The following RMC1 variants were observed in gnomAD, a reference collection of about 807,000 sequenced individuals.
RMC1 encodes regulator of MON1-CCZ1 complex.
A neutral mutation model predicts 95.5 loss-of-function variants in RMC1; 44 were observed. That is an observed-to-expected ratio of 0.46 (90% CI 0.36 to 0.59). The LOEUF is 0.59. Among genes scored for constraint, RMC1 ranks in the 20% least tolerant of loss-of-function variants. The probability of loss-of-function intolerance (pLI) is 0.00; values close to 1 mark genes in which losing one functional copy is unlikely to be tolerated. For missense variants in RMC1, 705 were observed against 819.6 expected (o/e 0.86, Z 1.71); for synonymous variants, 320 against 303.6 (o/e 1.05, Z -0.56).
Position 23,524,035 on chromosome 18 carries a change from A to G in RMC1, c.962-95A>G, listed in dbSNP as rs534203694. 32 of 1,307,054 alleles carry G rather than the reference A, an allele frequency of 2.4e-5. No individual in the cohort carries two copies. In the East Asian group the frequency reaches 6.0e-4, roughly 24 times the overall value. The allele number at this position is 1,307,054 out of a possible 1,614,324, so 81.0% of individuals were successfully genotyped here. A position where few individuals can be genotyped will look rare whatever the true frequency, so the allele number is the denominator to read the frequency against. On this transcript the variant is annotated intron_variant, in intron 10 of 19. Transcript: ENST00000269221. ...ACTACAATTGAATAAACATTTCGTA[A>G]TGACATTAAAAAGTATTGACTTTTG... is the stretch of plus-strand genomic sequence containing the variant.
intron 5 of RMC1, among the ~76,000 whole-genome samples, chr18:23,514,307 G>A (rs971455400): frequency 6.6e-6 from 1 of 152,228 alleles, no homozygotes; most frequent in Admixed American, 6.5e-5. Flanking sequence ...CTGAGGTCAG[G>A]AGTTCGAGAC....
intron 1 of RMC1, 70 bp downstream of exon 1, chr18:23,503,790 G>C: frequency 7.6e-7 from 1 of 1,317,200 alleles, no homozygotes; most frequent in South Asian, 1.5e-5. Flanking sequence ...GGCCGGTCCC[G>C]CGCGACCAGG....
intron 5 of RMC1, among the ~76,000 whole-genome samples, chr18:23,511,025 G>A (rs76290081): frequency 3.9e-5 from 6 of 152,228 alleles, no homozygotes; most frequent in Non-Finnish European, 8.8e-5. Flanking sequence ...GCACATGCAC[G>A]TGAATGTTCA....
chr18:23,527,185 A>T (rs1329399587), intron 13 of RMC1, among the ~76,000 whole-genome samples: 2 of 140,348 alleles, frequency 1.4e-5, no homozygotes, highest in African/African-American at 2.7e-5. Context: ...GGAGTTCGAG[A>T]CCAGCCTGGA....
chr18:23,522,076 C>T (rs760122250), intron 10 of RMC1, among the ~76,000 whole-genome samples: 6 of 152,220 alleles, frequency 3.9e-5, no homozygotes, highest in Non-Finnish European at 7.3e-5. Context: ...AGTTCAGAAT[C>T]GCACTCTGGC....
chr18:23,531,487 T>TAACC, intron 19 of RMC1, 138 bp from the exon 20 acceptor site: 1 of 1,451,558 alleles, frequency 6.9e-7, no homozygotes, highest in Non-Finnish European at 9.0e-7. Flanking sequence ...GCAGATAGGG[T>TAACC]AACCCCAAAA....
chr18:23,510,019 TAA>T (rs531660350), intron 5 of RMC1, among the ~76,000 whole-genome samples: 4 of 132,290 alleles, frequency 3.0e-5, no homozygotes, highest in African/African-American at 5.6e-5. Context: ...AGTAATAAAT[TAA>T]AAAAAAAAAA....
Position 23,529,250 on chromosome 18 carries a change from CCA to C in RMC1, c.1369_1370del (p.Gln457ValfsTer20). 6.2e-7 allele frequency: 1 copy of C among 1,614,028 alleles called. No individual in the cohort carries two copies. Among genetic ancestry groups the C allele is most frequent in the South Asian group, 1.1e-5 (1 of 91,082 alleles). ...CGGTGCGGACCCAGGCGGTGCTGGACCAGTCAGATGTGTACACCCATGTCCTG... is the reference window on the plus strand; with the variant it reads ...CGGTGCGGACCCAGGCGGTGCTGGACGTCAGATGTGTACACCCATGTCCTG... ...RPVRTQAVLDQSDVYTHVLSA... is the reference protein window; with the variant it reads ...RPVRTQAVLDXSDVYTHVLSA... On this transcript the variant is annotated frameshift_variant, in exon 15 of 20. Coordinates refer to ENST00000269221, the MANE Select transcript of RMC1 (RefSeq NM_013326.5). LOFTEE classifies it high-confidence loss of function.
intron 19 of RMC1, among the ~76,000 whole-genome samples, chr18:23,531,002 A>G: frequency 6.7e-6 from 1 of 148,874 alleles, no homozygotes; most frequent in Non-Finnish European, 1.5e-5. Flanking sequence ...GATCATTCTC[A>G]TTTTTTTTTT....
At chr18:23,505,418 G>C (rs144638448) in intron 2 of RMC1, among the ~76,000 whole-genome samples, 52 of 152,294 alleles carry the variant, frequency 3.4e-4, no homozygotes, top group East Asian at 3.3e-3. Flanking sequence ...GGGAACTCTG[G>C]GTCTGTGTAA....
chr18:23,525,573 C>T (rs766721072), intron 12 of RMC1, among the ~76,000 whole-genome samples: 11 of 152,088 alleles, frequency 7.2e-5, no homozygotes, highest in Non-Finnish European at 1.0e-4. Flanking sequence ...TACAGGCATG[C>T]GCCACCACAC....
In RMC1 at chr18:23,518,904, A is replaced by G. The variant is rs2058075960; in HGVS notation, c.668A>G (p.Tyr223Cys). ...IAMATIYGQL[Y>C]VLFLRHHSRT... ...TCCCTAATTAGATACGGGCAGCTGTATGTTCTCTTCTTGAGGCATCATTCT... is the reference window on the plus strand; with the variant it reads ...TCCCTAATTAGATACGGGCAGCTGTGTGTTCTCTTCTTGAGGCATCATTCT... Residue 223 changes from tyrosine to cysteine, a missense_variant, in exon 8 of 20, where the codon TAT becomes TGT. By Grantham distance (194) the Tyr-to-Cys change is radical. Coordinates refer to ENST00000269221, the MANE Select transcript of RMC1 (RefSeq NM_013326.5). 1.2e-6 allele frequency: 2 copies of G among 1,614,102 alleles called. No individual in the cohort carries two copies. Among genetic ancestry groups the G allele is most frequent in the East Asian group, 2.2e-5 (1 of 44,888 alleles).
intron 5 of RMC1, among the ~76,000 whole-genome samples, chr18:23,511,543 G>A (rs530302759): frequency 1.1e-4 from 16 of 151,992 alleles, no homozygotes; most frequent in Admixed American, 6.6e-4. Context: ...CTATAATCCC[G>A]ATAAATAATT....
In RMC1 at chr18:23,530,456, A is replaced by C. The variant is rs1344166757; in HGVS notation, c.1738A>C (p.Arg580=). The change falls in exon 19 of 20, where the codon AGG becomes CGG. Residue 580 remains arginine (R), a synonymous_variant. Coordinates refer to ENST00000269221, the MANE Select transcript of RMC1 (RefSeq NM_013326.5). Reference sequence around the variant, plus strand: ...CAAACACCAAGTGTTAGCTGCCTTAAGGTTTATCCGGGGCATTGGTGGCCA... The same window carrying C: ...CAAACACCAAGTGTTAGCTGCCTTACGGTTTATCCGGGGCATTGGTGGCCA... The part of the protein sequence containing the change: ...LSKHQVLAAL[R]FIRGIGGHDN... 1 of 1,614,252 alleles carries C rather than the reference A, an allele frequency of 6.2e-7. No homozygotes were observed. Among genetic ancestry groups the C allele is most frequent in the Non-Finnish European group, 8.5e-7 (1 of 1,180,052 alleles).
At chr18:23,523,304 G>C (rs1016899485) in intron 10 of RMC1, among the ~76,000 whole-genome samples, 9 of 152,250 alleles carry the variant, frequency 5.9e-5, no homozygotes, top group Non-Finnish European at 1.0e-4. Context: ...CTCATGAGCA[G>C]TATAACTGGT....
In RMC1 at chr18:23,509,235, A is replaced by G; in HGVS notation, c.364A>G (p.Thr122Ala). 2 of 1,468,506 alleles carry G rather than the reference A, an allele frequency of 1.4e-6. No individual in the cohort carries two copies. The highest frequency in any genetic ancestry group is 1.8e-6 in the Non-Finnish European group (2 of 1,108,540). 91.0% of individuals were successfully genotyped at this position (1,468,506 alleles called of 1,614,324 possible). A position where few individuals can be genotyped will look rare whatever the true frequency, so the allele number is the denominator to read the frequency against. Residue 122 changes from threonine (T) to alanine (A), a missense_variant, in exon 5 of 20, where the codon ACT becomes GCT. By Grantham distance (58) the Thr-to-Ala change is moderately conservative. Transcript: ENST00000269221. ...TCTAGGATTCTGCTGGACTAGTTCA[A>G]CTGAAATTGTCTTCATAACAGATCA... Reference protein sequence around the residue: ...NILGFCWTSSTEIVFITDQGI... With the variant: ...NILGFCWTSSAEIVFITDQGI...
intron 2 of RMC1, among the ~76,000 whole-genome samples, chr18:23,505,097 C>T (rs1199972829): frequency 2.0e-5 from 3 of 152,086 alleles, no homozygotes; most frequent in African/African-American, 7.2e-5. Flanking sequence ...TCCCTCTGTT[C>T]CCCAGGGTGG....
In RMC1 at chr18:23,516,626, A is replaced by G. The variant is rs562034792; in HGVS notation, c.653+203A>G. 4.6e-5 allele frequency among the ~76,000 whole-genome samples: 7 copies of G among 152,350 alleles called. No individual in the cohort carries two copies. The South Asian group carries it at 1.2e-3, about 27-fold the overall frequency. On this transcript the variant is annotated intron_variant, in intron 7 of 19. Coordinates refer to ENST00000269221, the MANE Select transcript of RMC1 (RefSeq NM_013326.5). ...TTGGCATTCCTTTTTGATTTTTATC[A>G]GCTTTGTGATGCTAAGGAATTCCTT... is the stretch of plus-strand genomic sequence containing the variant.
chr18:23,517,436 C>G (rs1176329323), intron 7 of RMC1, among the ~76,000 whole-genome samples: 8 of 152,216 alleles, frequency 5.3e-5, no homozygotes, highest in Admixed American at 5.2e-4. Flanking sequence ...GCGTGAGCCA[C>G]CACGCCTGGC....
Sources: gnomAD v4.1 joint callset for allele counts (sites outside exome capture counted in the v4.1 genomes callset) on GRCh38, gnomAD v4.1.1 for gene constraint, MANE v1.5 for transcripts, NCBI Gene and HGNC (gene_info 2026-07-23, HGNC 2026-07-21) for gene names.